The following IFNG-AS1 variants were observed in gnomAD, a reference collection of about 807,000 sequenced individuals.
IFNG-AS1 encodes IFNG regulatory antisense RNA 1, also known as IFNG antisense RNA 1 (non-protein coding).
intron 2 of IFNG-AS1, among the ~76,000 whole-genome samples, chr12:67,998,872 T>C (rs1049458100): frequency 7.9e-5 from 12 of 152,180 alleles, no homozygotes; most frequent in Admixed American, 2.6e-4. Context: ...CATTTTACAT[T>C]AGTTTGCAAG....
At chr12:68,001,477 G>C in intron 2 of IFNG-AS1, 1 of 257,400 alleles carries the variant, frequency 3.9e-6, no homozygotes, top group Non-Finnish European at 7.8e-6. Flanking sequence ...GATTCCACTA[G>C]GGAATGGGAT....
chr12:68,009,300 AT>A (rs890536576), intron 3 of IFNG-AS1, among the ~76,000 whole-genome samples: 1 of 152,126 alleles, frequency 6.6e-6, no homozygotes, highest in Admixed American at 6.5e-5. Flanking sequence ...CAGAATATAT[AT>A]TTTGTCCCAG....
chr12:68,021,142 A>G (rs1880278705), intron 4 of IFNG-AS1: 1 of 152,150 alleles, frequency 6.6e-6, no homozygotes, highest in African/African-American at 2.4e-5. Flanking sequence ...GTTTTTCTCA[A>G]ATATGGTCTT....
At chr12:67,999,814 T>C (rs1396808689) in intron 2 of IFNG-AS1, among the ~76,000 whole-genome samples, 1 of 152,176 alleles carries the variant, frequency 6.6e-6, no homozygotes, top group Non-Finnish European at 1.5e-5. Flanking sequence ...ACGAAGTCCT[T>C]ATTAAATACA....
At chr12:68,002,634 C>A (rs912435172) in intron 2 of IFNG-AS1, among the ~76,000 whole-genome samples, 2 of 152,126 alleles carry the variant, frequency 1.3e-5, no homozygotes, top group Non-Finnish European at 2.9e-5. Flanking sequence ...GACATAGACC[C>A]AACTGGTCTA....
At chr12:67,989,922 G>T (rs1406386294) in intron 1 of IFNG-AS1, among the ~76,000 whole-genome samples, 2 of 152,054 alleles carry the variant, frequency 1.3e-5, no homozygotes, top group Non-Finnish European at 2.9e-5. Flanking sequence ...AGTGTTCACA[G>T]TAAGCTTTGA....
At chr12:67,998,563 C>T (rs1879695319) in intron 2 of IFNG-AS1, among the ~76,000 whole-genome samples, 1 of 151,864 alleles carries the variant, frequency 6.6e-6, no homozygotes, top group African/African-American at 2.4e-5. Context: ...GGGAAAGGAA[C>T]ACTTCTCTGA....
chr12:67,995,157 C>T (rs1264105779), intron 1 of IFNG-AS1, among the ~76,000 whole-genome samples: 1 of 151,932 alleles, frequency 6.6e-6, no homozygotes, highest in African/African-American at 2.4e-5. Context: ...AGAGTGGTGG[C>T]TCACGTCTGT....
At chr12:68,008,455 C>T (rs1879956536) in intron 3 of IFNG-AS1, among the ~76,000 whole-genome samples, 1 of 151,950 alleles carries the variant, frequency 6.6e-6, no homozygotes, top group African/African-American at 2.4e-5. Flanking sequence ...AGTCTTTATC[C>T]CAGAGATTCT....
chr12:68,018,007 C>T (rs1157526516), intron 3 of IFNG-AS1, among the ~76,000 whole-genome samples: 5 of 152,084 alleles, frequency 3.3e-5, no homozygotes, highest in Non-Finnish European at 7.4e-5. Context: ...AGCTCATTCC[C>T]TGCCTTTTGC....
intron 2 of IFNG-AS1, among the ~76,000 whole-genome samples, chr12:68,003,301 G>A (rs1020592606): frequency 4.6e-5 from 7 of 152,014 alleles, no homozygotes; most frequent in African/African-American, 1.7e-4. Context: ...TCCTATCCAG[G>A]CTGTTCTTAT....
At chr12:68,004,350 T>A (rs1265017230) in intron 2 of IFNG-AS1, among the ~76,000 whole-genome samples, 2 of 152,148 alleles carry the variant, frequency 1.3e-5, no homozygotes, top group East Asian at 3.9e-4. Flanking sequence ...CAGAGGATCT[T>A]CCAAGCTTCC....
chr12:68,011,916 A>G (rs1166369241), intron 3 of IFNG-AS1, among the ~76,000 whole-genome samples: 2 of 152,204 alleles, frequency 1.3e-5, no homozygotes, highest in Non-Finnish European at 2.9e-5. Context: ...GTTGCCTTTC[A>G]GTTTCCTGTT....
At chr12:67,992,632 G>T (rs986058673) in intron 1 of IFNG-AS1, among the ~76,000 whole-genome samples, 1 of 152,092 alleles carries the variant, frequency 6.6e-6, no homozygotes. Context: ...AGCCTTTTAT[G>T]CTCCATTGTA....
At chr12:68,008,676 T>C (rs1247580145) in intron 3 of IFNG-AS1, among the ~76,000 whole-genome samples, 1 of 152,176 alleles carries the variant, frequency 6.6e-6, no homozygotes, top group African/African-American at 2.4e-5. Context: ...TTTCCATCAG[T>C]GGCTCTCCCA....
At chr12:68,015,273 A>T (rs910999593) in intron 3 of IFNG-AS1, among the ~76,000 whole-genome samples, 2 of 152,128 alleles carry the variant, frequency 1.3e-5, no homozygotes, top group African/African-American at 4.8e-5. Context: ...CCACAGAAGG[A>T]GGGATGTGGG....
At chr12:68,007,513 A>G (rs1026943467) in intron 3 of IFNG-AS1, among the ~76,000 whole-genome samples, 10 of 152,250 alleles carry the variant, frequency 6.6e-5, no homozygotes, top group South Asian at 6.2e-4. Flanking sequence ...ATGATGCAAG[A>G]AATACAATCT....
chr12:68,003,221 C>T (rs1879814005), intron 2 of IFNG-AS1, among the ~76,000 whole-genome samples: 1 of 151,884 alleles, frequency 6.6e-6, no homozygotes, highest in African/African-American at 2.4e-5. Flanking sequence ...TTTCATTTTC[C>T]TCTTTAGAAA....
At chr12:68,018,077 T>C (rs1036475603) in intron 3 of IFNG-AS1, among the ~76,000 whole-genome samples, 6 of 152,144 alleles carry the variant, frequency 3.9e-5, no homozygotes, top group African/African-American at 1.4e-4. Context: ...ATAGCTTTCC[T>C]CTGACTGGTA....
Sources: allele counts gnomAD v4.1 joint callset (sites outside exome capture counted in the v4.1 genomes callset), GRCh38; gene constraint gnomAD v4.1.1; transcripts MANE v1.5; gene names NCBI Gene and HGNC (gene_info 2026-07-23, HGNC 2026-07-21).